PRKG1: variants seen among roughly 807,000 people sequenced by gnomAD.
PRKG1 encodes the protein cGMP-dependent protein kinase 1.
Under a neutral mutation model 88.1 loss-of-function variants are expected in PRKG1, and 35 were observed. The ratio of observed to expected loss-of-function variants is 0.40; its 90% confidence interval spans 0.30 to 0.53. The LOEUF is 0.53. PRKG1 is among the 20% of genes least tolerant of loss of function. The pLI is 0.59. For missense variants in PRKG1, 540 were observed against 839.8 expected, an observed-to-expected ratio of 0.64 and a Z score of 4.41; for synonymous variants, 303 against 292.5, an observed-to-expected ratio of 1.04 and a Z score of -0.37.
intron 1 of PRKG1, among the ~76,000 whole-genome samples, chr10:51,036,477 G>A (rs1037644316): frequency 6.6e-6 from 1 of 152,142 alleles, no homozygotes; most frequent in Admixed American, 6.5e-5. Flanking sequence ...GCAGAGTAAA[G>A]TGAGGGAATC....
At chr10:51,463,714 A>G (rs1412312201) in intron 2 of PRKG1, among the ~76,000 whole-genome samples, 6 of 152,318 alleles carry the variant, frequency 3.9e-5, no homozygotes, top group Admixed American at 6.5e-5. Context: ...TTGCTACAAG[A>G]CGGGTGAGAG....
chr10:51,138,618 T>G (rs74996825), intron 1 of PRKG1, among the ~76,000 whole-genome samples: 3 of 151,842 alleles, frequency 2.0e-5, no homozygotes, highest in African/African-American at 7.3e-5. Context: ...TTCAGGTTGA[T>G]TGCTATTTTG....
chr10:51,422,439 G>A (rs79953350), intron 2 of PRKG1, among the ~76,000 whole-genome samples: 84 of 152,210 alleles, frequency 5.5e-4, no homozygotes, highest in African/African-American at 1.9e-3. Context: ...GCCAGTTGCC[G>A]GCCCCATCCC....
At chr10:51,810,237 A>T (rs74132434) in intron 4 of PRKG1, among the ~76,000 whole-genome samples, 1 of 152,308 alleles carries the variant, frequency 6.6e-6, no homozygotes, top group African/African-American at 2.4e-5. Context: ...TGATAATTTG[A>T]TTCCCACCTG....
intron 1 of PRKG1, among the ~76,000 whole-genome samples, chr10:51,016,978 T>C (rs1843075559): frequency 6.6e-6 from 1 of 151,806 alleles, no homozygotes; most frequent in Non-Finnish European, 1.5e-5. Flanking sequence ...ATTATCCCCA[T>C]TTTTAAGACC....
intron 2 of PRKG1, among the ~76,000 whole-genome samples, chr10:51,376,978 G>C (rs1842831373): frequency 6.6e-6 from 1 of 152,044 alleles, no homozygotes; most frequent in South Asian, 2.1e-4. Flanking sequence ...CGCCTGGCCA[G>C]TCCATTTTTA....
chr10:52,127,473 GA>G (rs1188036164), intron 7 of PRKG1, among the ~76,000 whole-genome samples: 1 of 152,118 alleles, frequency 6.6e-6, no homozygotes, highest in East Asian at 1.9e-4. Context: ...CTAGCAAAAA[GA>G]AAGCCCAAAA....
intron 2 of PRKG1, among the ~76,000 whole-genome samples, chr10:51,155,796 T>C (rs927251156): frequency 6.6e-6 from 1 of 151,994 alleles, no homozygotes; most frequent in African/African-American, 2.4e-5. Context: ...GACTTTTTTC[T>C]ATTTGACTGA....
chr10:52,271,141 G>A (rs977498938), intron 10 of PRKG1, among the ~76,000 whole-genome samples: 1 of 152,068 alleles, frequency 6.6e-6, no homozygotes, highest in Admixed American at 6.6e-5. Flanking sequence ...AATCAAGTTA[G>A]TTAAAATTCA....
chr10:51,721,816 C>G (rs375307958), intron 3 of PRKG1, among the ~76,000 whole-genome samples: 6 of 152,160 alleles, frequency 3.9e-5, no homozygotes, highest in Middle Eastern at 3.2e-3. Context: ...AATTTTCAGT[C>G]TATAACCATG....
At chr10:52,006,833 C>T (rs1001090117) in intron 5 of PRKG1, among the ~76,000 whole-genome samples, 3 of 152,068 alleles carry the variant, frequency 2.0e-5, no homozygotes, top group African/African-American at 7.2e-5. Context: ...ATTACATTCT[C>T]TAAGGTCAAA....
intron 5 of PRKG1, among the ~76,000 whole-genome samples, chr10:51,975,241 A>G (rs1349003136): frequency 1.3e-5 from 2 of 152,080 alleles, no homozygotes; most frequent in African/African-American, 2.4e-5. Context: ...AGATAGCACA[A>G]TTTGGAATAG....
intron 3 of PRKG1, among the ~76,000 whole-genome samples, chr10:51,578,685 C>T (rs1284075860): frequency 6.6e-6 from 1 of 152,086 alleles, no homozygotes; most frequent in Non-Finnish European, 1.5e-5. Flanking sequence ...CCTTTAATGT[C>T]TTTTAATAAT....
chr10:51,508,032 G>A (rs551563926), intron 3 of PRKG1, among the ~76,000 whole-genome samples: 153 of 152,256 alleles, frequency 1.0e-3, no homozygotes, highest in Non-Finnish European at 1.9e-3. Context: ...TGTATGGGCT[G>A]TGGAGTCTGA....
chr10:51,396,681 C>T (rs959516845), intron 2 of PRKG1, among the ~76,000 whole-genome samples: 2 of 152,172 alleles, frequency 1.3e-5, no homozygotes, highest in South Asian at 2.1e-4. Flanking sequence ...AGCTGAAAAA[C>T]GGGAAAGTAA....
At chr10:51,147,208 C>A (rs1337576086) in intron 1 of PRKG1, among the ~76,000 whole-genome samples, 1 of 152,036 alleles carries the variant, frequency 6.6e-6, no homozygotes, top group African/African-American at 2.4e-5. Context: ...GGAATAAGTT[C>A]CAGTGTTCTA....
At chr10:51,186,259 T>A (rs1218947142) in intron 2 of PRKG1, among the ~76,000 whole-genome samples, 1 of 151,904 alleles carries the variant, frequency 6.6e-6, no homozygotes, top group African/African-American at 2.4e-5. Flanking sequence ...CCAATTCTTT[T>A]TTTAATTTTA....
intron 3 of PRKG1, among the ~76,000 whole-genome samples, chr10:51,601,744 T>TC (rs1838610628): frequency 1.8e-5 from 2 of 112,094 alleles, no homozygotes; most frequent in Admixed American, 9.6e-5. Flanking sequence ...TTTTTTTTTT[T>TC]TTTTTTTTTT....
intron 5 of PRKG1, among the ~76,000 whole-genome samples, chr10:52,032,648 T>A (rs904472034): frequency 1.3e-5 from 2 of 152,138 alleles, no homozygotes; most frequent in African/African-American, 4.8e-5. Flanking sequence ...TTTTTTTAAT[T>A]CCCCCTTTTT....
Sources: gnomAD v4.1 joint callset for allele counts (sites outside exome capture counted in the v4.1 genomes callset) on GRCh38, gnomAD v4.1.1 for gene constraint, MANE v1.5 for transcripts, NCBI Gene and HGNC (gene_info 2026-07-23, HGNC 2026-07-21) for gene names.